The following MEIS3 variants were observed in gnomAD, a reference collection of about 807,000 sequenced individuals.
MEIS3 encodes the protein homeobox protein Meis3.
Under a neutral mutation model 51.4 loss-of-function variants are expected in MEIS3, and 38 were observed. The observed-to-expected ratio is 0.74, with a 90% CI of 0.57 to 0.97. The LOEUF (loss-of-function observed/expected upper bound fraction) is 0.97. MEIS3 is among the 50% of genes least tolerant of loss of function. MEIS3 has a pLI of 0.00. For synonymous variants in MEIS3, 198 were observed against 201.8 expected (o/e 0.98, Z 0.16); for missense variants, 456 against 502.6 (o/e 0.91, Z 0.89).
intron 5 of MEIS3, 27 bp from the exon 6 acceptor site, chr19:47,414,893 G>T: frequency 6.4e-7 from 1 of 1,564,282 alleles, no homozygotes; most frequent in African/African-American, 1.4e-5. Context: ...GTACTGGGGG[G>T]GGCCACCCAC....
chr19:47,410,802 C>T (rs548731375), intron 6 of MEIS3, among the ~76,000 whole-genome samples: 2 of 152,264 alleles, frequency 1.3e-5, no homozygotes, highest in South Asian at 4.2e-4. Flanking sequence ...CAATAATAGT[C>T]CTGACAGTGT....
upstream of MEIS3, among the ~76,000 whole-genome samples, chr19:47,420,632 G>A (rs1421458244): frequency 6.7e-6 from 1 of 150,178 alleles, no homozygotes; most frequent in African/African-American, 2.5e-5. Context: ...AGCTCCAATA[G>A]AGACCCTGGA....
In MEIS3 at chr19:47,403,560, A is replaced by G. The variant is rs1414140196; in HGVS notation, c.*18-7T>C. 6.9e-6 allele frequency: 3 copies of G among 432,336 alleles called. No homozygotes were observed. In the Admixed American group the frequency reaches 7.7e-5, roughly 11 times the overall value. 26.8% of individuals were successfully genotyped at this position (432,336 alleles called of 1,614,324 possible). Reference sequence around the variant, plus strand: ...TCACAGCCGGAGGCTGGGTCTGTGGAGAGGGGAGGAGAGGCCAAGTCAGGA... The same window carrying G: ...TCACAGCCGGAGGCTGGGTCTGTGGGGAGGGGAGGAGAGGCCAAGTCAGGA... On this transcript the variant is annotated splice_polypyrimidine_tract_variant and splice_region_variant and intron_variant, in intron 12 of 12. Transcript: ENST00000558555.
intron 1 of MEIS3, chr19:47,417,825 A>G (rs889992285): frequency 4.9e-6 from 3 of 611,092 alleles, no homozygotes; most frequent in Admixed American, 5.5e-5. Context: ...AACATGTCAC[A>G]CTCCACTCGC....
At chr19:47,420,892 G>GCTCTCTCTCT (rs147025798), upstream of MEIS3, among the ~76,000 whole-genome samples, 2 of 108,246 alleles carry the variant, frequency 1.8e-5, no homozygotes, top group Non-Finnish European at 3.7e-5. Context: ...TCTGTCTCTC[G>GCTCTCTCTCT]CTCTCTCTCT....
intron 6 of MEIS3, among the ~76,000 whole-genome samples, chr19:47,411,277 C>T (rs528521224): frequency 6.6e-6 from 1 of 152,314 alleles, no homozygotes; most frequent in African/African-American, 2.4e-5. Context: ...ATACACCATG[C>T]AGTTCGCAAC....
At chr19:47,412,178 A>C (rs1971166998) in intron 6 of MEIS3, 1 of 152,114 alleles carries the variant, frequency 6.6e-6, no homozygotes, top group African/African-American at 2.4e-5. Context: ...TGAGGAACTC[A>C]ACAATCGGGT....
chr19:47,422,155 C>T (rs1475320394), upstream of MEIS3, among the ~76,000 whole-genome samples: 1 of 152,132 alleles, frequency 6.6e-6, no homozygotes, highest in African/African-American at 2.4e-5. Flanking sequence ...TGCCTGCCGC[C>T]CCCTTCCCCT....
At chr19:47,407,243 G>C in intron 9 of MEIS3, 106 bp from the exon 10 acceptor site, 7 of 1,475,842 alleles carry the variant, frequency 4.7e-6, no homozygotes, top group African/African-American at 1.4e-5. Context: ...AGGCAGAGCG[G>C]GGCGAGCAGG....
upstream of MEIS3, among the ~76,000 whole-genome samples, chr19:47,420,421 G>A (rs1401715252): frequency 6.6e-6 from 1 of 151,780 alleles, no homozygotes; most frequent in African/African-American, 2.4e-5. Flanking sequence ...GCCAGTGGTG[G>A]GGGGCGTGGA....
chr19:47,407,292 C>T, intron 9 of MEIS3, 60 bp downstream of exon 9: 4 of 1,580,552 alleles, frequency 2.5e-6, no homozygotes, highest in South Asian at 1.1e-5. Context: ...CCGTCAGCAC[C>T]GCGGACAGCG....
intron 9 of MEIS3, 58 bp from the exon 10 acceptor site, chr19:47,407,195 A>G: frequency 3.2e-6 from 5 of 1,561,662 alleles, no homozygotes; most frequent in Non-Finnish European, 3.5e-6. Context: ...AGAGAGGCCA[A>G]GACGAACACA....
chr19:47,409,276 T>A (rs1445007595), intron 7 of MEIS3, 29 bp from the exon 8 acceptor site: 1 of 1,596,724 alleles, frequency 6.3e-7, no homozygotes, highest in Non-Finnish European at 8.5e-7. Context: ...GCTGTGTGTG[T>A]GGGTAGTGAA....
At chr19:47,417,689 A>G (rs1485349054) in intron 1 of MEIS3, 1 of 702,536 alleles carries the variant, frequency 1.4e-6, no homozygotes, top group East Asian at 2.7e-5. Flanking sequence ...ACAGACAGAG[A>G]GGGAGATCCA....
At chr19:47,416,730 G>T (rs747941562) in intron 3 of MEIS3, 28 bp from the exon 4 acceptor site, 6 of 1,608,824 alleles carry the variant, frequency 3.7e-6, no homozygotes, top group Non-Finnish European at 5.1e-6. Flanking sequence ...GGCCGGCAGG[G>T]GGATGTCCCG....
At chr19:47,408,613 ATC>A (rs1243134125) in intron 8 of MEIS3, among the ~76,000 whole-genome samples, 1 of 151,528 alleles carries the variant, frequency 6.6e-6, no homozygotes, top group Non-Finnish European at 1.5e-5. Context: ...TCCTCCCCGA[ATC>A]TCTGTGTCTC....
Position 47,406,595 on chromosome 19 carries a change from C to T in MEIS3, c.1079-69G>A, listed in dbSNP as rs533282043. On this transcript the variant is annotated intron_variant, in intron 11 of 12. Transcript: ENST00000558555. ...CACCCCCAGATGCCTCTAAGTCTCC[C>T]TCACCCCTTCCTACACCAGGGGATC... 9 of 1,447,326 alleles carry T rather than the reference C, an allele frequency of 6.2e-6. No homozygotes were observed. In the Admixed American group the frequency reaches 6.7e-5, roughly 11 times the overall value. 89.7% of individuals were successfully genotyped at this position (1,447,326 alleles called of 1,614,324 possible).
chr19:47,417,334 T>G lies in MEIS3; in HGVS notation c.29A>C (p.His10Pro). The G allele has an allele frequency of 6.2e-7, 1 of 1,612,996 alleles. No homozygotes were observed. Among genetic ancestry groups the G allele is most frequent in the East Asian group, 2.2e-5 (1 of 44,848 alleles). Residue 10 changes from histidine to proline, a missense_variant, in exon 2 of 13, where the codon CAC (histidine) becomes CCC (proline). His to Pro is a moderately conservative substitution (Grantham distance 77). Transcript: ENST00000558555. ...GGGGCCATCCACGATGCCTGGGTAG[T>G]GCGGCAGCTCATCATACTGGGGGAA... MARRYDELP[H>P]YPGIVDGPAA...
chr19:47,416,612 C>T (rs1217240363), intron 4 of MEIS3, 40 bp downstream of exon 4: 6 of 1,462,474 alleles, frequency 4.1e-6, no homozygotes, highest in Non-Finnish European at 5.5e-6. Context: ...GGAAGGAGAC[C>T]CATTGGAGGA....
Sources: allele counts gnomAD v4.1 joint callset (sites outside exome capture counted in the v4.1 genomes callset), GRCh38; gene constraint gnomAD v4.1.1; transcripts MANE v1.5; gene names NCBI Gene and HGNC (gene_info 2026-07-23, HGNC 2026-07-21).